NAB2: variants seen among roughly 807,000 people sequenced by gnomAD.
NAB2 encodes NGFI-A-binding protein 2.
A neutral mutation model predicts 44.2 loss-of-function variants in NAB2; 9 were observed. That is an observed-to-expected ratio of 0.20 (90% CI 0.12 to 0.36). NAB2 has a LOEUF of 0.36. Among genes scored for constraint, NAB2 ranks in the 10% least tolerant of loss-of-function variants. The pLI is 1.00. For missense variants in NAB2, 514 were observed against 709.0 expected, an observed-to-expected ratio of 0.73 and a Z score of 3.12; for synonymous variants, 342 against 291.0, an observed-to-expected ratio of 1.18 and a Z score of -1.78.
intron 5 of NAB2, 35 bp from the exon 6 acceptor site, chr12:57,093,371 TG>T (rs770126611): frequency 1.3e-6 from 2 of 1,503,850 alleles, no homozygotes; most frequent in African/African-American, 2.8e-5. Context: ...TTCCATTGGC[TG>T]CAGCCCCTTA....
intron 1 of NAB2, 143 bp downstream of exon 1, chr12:57,089,497 G>A (rs1592530475): frequency 9.5e-6 from 7 of 738,168 alleles, no homozygotes; most frequent in East Asian, 2.8e-5. Context: ...AAGGGGGTGC[G>A]TCTTCGAATT....
chr12:57,092,376 G>T, intron 2 of NAB2, 72 bp from the exon 3 acceptor site: 1 of 1,570,648 alleles, frequency 6.4e-7, no homozygotes, highest in South Asian at 1.2e-5. Context: ...AATGGTGAAG[G>T]GGTGTGAGGA....
chr12:57,092,309 G>A (rs1436484373), intron 2 of NAB2, 139 bp from the exon 3 acceptor site: 2 of 1,286,902 alleles, frequency 1.6e-6, no homozygotes, highest in East Asian at 2.3e-5. Flanking sequence ...ACCTCAGAAA[G>A]CTCCCATGTA....
intron 6 of NAB2, among the ~76,000 whole-genome samples, chr12:57,094,394 C>G (rs370665985): frequency 4.0e-5 from 6 of 151,662 alleles, no homozygotes; most frequent in Non-Finnish European, 8.8e-5. Flanking sequence ...GAGAGAGAGA[C>G]AGACAGAGAC....
At chr12:57,090,140 C>A (rs1050054643) in intron 1 of NAB2, among the ~76,000 whole-genome samples, 6 of 152,070 alleles carry the variant, frequency 3.9e-5, no homozygotes, top group African/African-American at 1.4e-4. Flanking sequence ...ACTGGGCAGC[C>A]TGGAAGGGTG....
In NAB2 at chr12:57,093,107, C is replaced by G. The variant is rs770519354; in HGVS notation, c.1188C>G (p.Gly396=). 6.2e-7 allele frequency: 1 copy of G among 1,613,282 alleles called. No homozygotes were observed. The highest frequency in any genetic ancestry group is 8.5e-7 in the Non-Finnish European group (1 of 1,179,504). Residue 396 remains glycine (G), a synonymous_variant, in exon 5 of 7, where the codon GGC becomes GGG. Coordinates refer to ENST00000300131, the MANE Select transcript of NAB2 (RefSeq NM_005967.4). ...SHPEIQQPPP[G]PESYVPPYRP... Reference sequence around the variant, plus strand: ...CTGAAATCCAGCAGCCTCCCCCAGGCCCTGAGTCCTATGTACCCCCATACC... The same window carrying G: ...CTGAAATCCAGCAGCCTCCCCCAGGGCCTGAGTCCTATGTACCCCCATACC...
chr12:57,091,731 T>A lies in NAB2; in HGVS notation c.690T>A (p.Thr230=). 6.2e-7 allele frequency: 1 copy of A among 1,613,864 alleles called. No individual in the cohort carries two copies. The highest frequency in any genetic ancestry group is 8.5e-7 in the Non-Finnish European group (1 of 1,179,848). ...CTGGGGGGCTGGCAGCAGGTGGGAC[T>A]GGGGGTGGTCCAGACCGACTGGAGC... ...TGAGGLAAGG[T]GGGPDRLEPE... The change falls in exon 2 of 7, where the codon ACT becomes ACA. Residue 230 remains threonine, a synonymous_variant. Coordinates refer to ENST00000300131, the MANE Select transcript of NAB2 (RefSeq NM_005967.4). This position sits in a 1 kb window ranked among gnomAD's most constrained non-coding sequence, Gnocchi z 7.3.
At chr12:57,092,787 TAGAG>T in intron 3 of NAB2, 126 bp from the exon 4 acceptor site, 1 of 1,366,220 alleles carries the variant, frequency 7.3e-7, no homozygotes. Flanking sequence ...GTGCTTGAAC[TAGAG>T]ACTCTTTCTC....
Position 57,091,842 on chromosome 12 carries a change from G to C in NAB2, c.801G>C (p.Leu267=). The stretch of plus-strand genomic sequence containing the variant: ...GGGATGCTGGGGAGGTCACATCCCT[G>C]CTAAAGCTGAATAAGAAGCTGGCAC... ...PRGDAGEVTS[L]LKLNKKLARS... Residue 267 remains leucine (L), a synonymous_variant, in exon 2 of 7, where the codon CTG becomes CTC. Transcript: ENST00000300131. The surrounding 1 kb of genome is among the most constrained non-coding windows in gnomAD (Gnocchi z 7.3). The C allele has an allele frequency of 2.5e-6, 4 of 1,614,206 alleles. No individual in the cohort carries two copies. The highest frequency in any genetic ancestry group is 3.4e-6 in the Non-Finnish European group (4 of 1,180,014).
intron 5 of NAB2, 95 bp from the exon 6 acceptor site, chr12:57,093,311 GA>G: frequency 6.8e-7 from 1 of 1,464,882 alleles, no homozygotes; most frequent in South Asian, 1.4e-5. Context: ...GACCTGGCTG[GA>G]GGGGGGGCAG....
Position 57,092,904 on chromosome 12 carries a change from C to G in NAB2, c.1092-13C>G, listed in dbSNP as rs751540617. ...GTCAGCCTCATCCACTTTATTCTTA[C>G]CCATCTTTTCAGGCTTCACCCTGAA... On this transcript the variant is annotated splice_polypyrimidine_tract_variant and intron_variant, in intron 3 of 6. Coordinates refer to ENST00000300131, the MANE Select transcript of NAB2 (RefSeq NM_005967.4). The G allele has an allele frequency of 1.9e-6, 3 of 1,613,934 alleles. No individual in the cohort carries two copies. Among genetic ancestry groups the G allele is most frequent in the Admixed American group, 3.3e-5 (2 of 59,998 alleles).
intron 6 of NAB2, 108 bp downstream of exon 6, chr12:57,093,706 A>G: frequency 8.3e-7 from 1 of 1,198,604 alleles, no homozygotes; most frequent in South Asian, 1.7e-5. Flanking sequence ...TAGTCGTCAG[A>G]GAGGGCAGTA....
chr12:57,091,966 C>A lies in NAB2; in HGVS notation c.925C>A (p.Arg309=). ...SIIYGRFDSK[R]REGKQLSLHE... ...CATCTATGGCCGTTTCGACTCTAAG[C>A]GGCGGGAGGGCAAGCAGCTCAGCCT... Residue 309 remains arginine (R), a synonymous_variant, in exon 2 of 7, where the codon CGG becomes AGG. Coordinates refer to ENST00000300131, the MANE Select transcript of NAB2 (RefSeq NM_005967.4). The surrounding 1 kb of genome is among the most constrained non-coding windows in gnomAD (Gnocchi z 7.3). 1 of 1,612,254 alleles carries A rather than the reference C, an allele frequency of 6.2e-7. No individual in the cohort carries two copies.
In NAB2 at chr12:57,092,600, G is replaced by A; in HGVS notation, c.1091+19G>A. ...GCTCCAGGTGAGACCCCTTCCCCAGGTCCTTCCTGGACTGGAATCCTGCTA... is the reference window on the plus strand; with the variant it reads ...GCTCCAGGTGAGACCCCTTCCCCAGATCCTTCCTGGACTGGAATCCTGCTA... On this transcript the variant is annotated intron_variant, in intron 3 of 6. Coordinates refer to ENST00000300131, the MANE Select transcript of NAB2 (RefSeq NM_005967.4). 1.2e-6 allele frequency: 2 copies of A among 1,613,432 alleles called. No homozygotes were observed. Among genetic ancestry groups the A allele is most frequent in the South Asian group, 1.1e-5 (1 of 91,018 alleles).
At position 57,093,092 on chromosome 12, in the gene NAB2, G is replaced by A. The variant is rs769345642; in HGVS notation, c.1173G>A (p.Gln391=). The change falls in exon 5 of 7, where the codon CAG becomes CAA. Residue 391 remains glutamine (Q), a synonymous_variant. Transcript: ENST00000300131. ...GAGAACAGAGTCACCCTGAAATCCAGCAGCCTCCCCCAGGCCCTGAGTCCT... is the reference window on the plus strand; with the variant it reads ...GAGAACAGAGTCACCCTGAAATCCAACAGCCTCCCCCAGGCCCTGAGTCCT... ...EVGEQSHPEI[Q]QPPPGPESYV... is the part of the protein sequence containing the mutation. 3.1e-6 allele frequency: 5 copies of A among 1,612,368 alleles called. No individual in the cohort carries two copies. In the African/African-American group the frequency reaches 5.3e-5, roughly 17 times the overall value.
At position 57,094,496 on chromosome 12, in the gene NAB2, A is replaced by G. The variant is rs568686390; in HGVS notation, c.1469-116A>G. On this transcript the variant is annotated intron_variant, in intron 6 of 6. Transcript: ENST00000300131. ...GCAGTGGGCAGGAGGCAGTAATTCA[A>G]TAAACCTAAACTGAGCCCATCTTCA... 8.3e-6 allele frequency: 7 copies of G among 840,704 alleles called. No individual in the cohort carries two copies. In the East Asian group the frequency reaches 1.1e-4, roughly 13 times the overall value. 52.1% of individuals were successfully genotyped at this position (840,704 alleles called of 1,614,324 possible).
chr12:57,092,335 C>A, intron 2 of NAB2, 113 bp from the exon 3 acceptor site: 1 of 1,446,492 alleles, frequency 6.9e-7, no homozygotes, highest in Non-Finnish European at 9.4e-7. Context: ...AAAACCAAAG[C>A]AAGCGTCTGA....
rs1483554635 is a variant in NAB2, at chr12:57,089,264, G to A, written c.-8G>A. On this transcript the variant is annotated 5_prime_UTR_variant, in exon 1 of 7. Coordinates refer to ENST00000300131, the MANE Select transcript of NAB2 (RefSeq NM_005967.4). Reference sequence around the variant, plus strand: ...GAGAAGGGCAGCCCGGGTGATCTCCGGCCGTCCATGCACAGAGCGCCTTCC... The same window carrying A: ...GAGAAGGGCAGCCCGGGTGATCTCCAGCCGTCCATGCACAGAGCGCCTTCC... 1.3e-6 allele frequency: 2 copies of A among 1,569,208 alleles called. No homozygotes were observed. The highest frequency in any genetic ancestry group is 1.4e-5 in the African/African-American group (1 of 74,052).
intron 3 of NAB2, 130 bp downstream of exon 3, chr12:57,092,711 C>T: frequency 2.2e-6 from 3 of 1,365,540 alleles, no homozygotes; most frequent in Non-Finnish European, 3.0e-6. Context: ...TTGGCCAAGT[C>T]AGCTTGTCTC....
Sources: gnomAD v4.1 joint callset for allele counts (sites outside exome capture counted in the v4.1 genomes callset) on GRCh38, gnomAD v4.1.1 for gene constraint, Gnocchi (gnomAD v3.1) non-coding constraint, MANE v1.5 for transcripts, NCBI Gene and HGNC (gene_info 2026-07-23, HGNC 2026-07-21) for gene names.